Variants in EHMT1 observed in about 807,000 individuals in gnomAD.
EHMT1 encodes the protein euchromatic histone lysine methyltransferase 1.
In EHMT1, 15 loss-of-function variants were observed where a neutral mutation model predicts 147.2. The observed-to-expected ratio is 0.10, with a 90% CI of 0.07 to 0.16. The LOEUF is 0.16. Among genes scored for constraint, EHMT1 ranks in the 10% least tolerant of loss-of-function variants. The pLI is 1.00. For missense variants in EHMT1, 1,587 were observed against 1,772.4 expected, an observed-to-expected ratio of 0.90 and a Z score of 1.88; for synonymous variants, 795 against 709.6, an observed-to-expected ratio of 1.12 and a Z score of -1.91.
intron 1 of EHMT1, among the ~76,000 whole-genome samples, chr9:137,702,035 C>T (rs1332306059): frequency 6.6e-6 from 1 of 152,014 alleles, no homozygotes; most frequent in Non-Finnish European, 1.5e-5. Flanking sequence ...CTCAGGTGAT[C>T]TACTCGCCTC....
At chr9:137,633,620 G>A (rs1468094027) in intron 1 of EHMT1, among the ~76,000 whole-genome samples, 2 of 151,742 alleles carry the variant, frequency 1.3e-5, no homozygotes, top group African/African-American at 2.4e-5. Flanking sequence ...GGGTTCTTTG[G>A]TATGTCTGGA....
chr9:137,735,428 C>T (rs888668216), intron 4 of EHMT1, among the ~76,000 whole-genome samples: 1 of 152,090 alleles, frequency 6.6e-6, no homozygotes, highest in African/African-American at 2.4e-5. Context: ...AGAATTTAAA[C>T]ATTCCACTAT....
rs959302134 is a variant in EHMT1, at chr9:137,776,020, G to A, written c.1792-598G>A. On this transcript the variant is annotated intron_variant, in intron 11 of 26. Coordinates refer to ENST00000460843, the MANE Select transcript of EHMT1 (RefSeq NM_024757.5). This position sits in a 1 kb window ranked among gnomAD's most constrained non-coding sequence, Gnocchi z 4.4. ...CAGAGATGCCCTGCTGCCCCTTTAC[G>A]AACATGGGCCAAGAGCTTCCACTTT... Among the ~76,000 whole-genome samples the A allele has an allele frequency of 3.3e-5, 5 of 152,114 alleles. No individual in the cohort carries two copies. Among genetic ancestry groups the A allele is most frequent in the Non-Finnish European group, 7.4e-5 (5 of 68,026 alleles).
intron 3 of EHMT1, 80 bp from the exon 4 acceptor site, chr9:137,728,269 G>A: frequency 1.9e-6 from 3 of 1,579,096 alleles, no homozygotes; most frequent in South Asian, 1.1e-5. Flanking sequence ...TCGGGGAGAA[G>A]AACTGTGATT....
Position 137,762,728 on chromosome 9 carries a change from C to G in EHMT1, c.1555C>G (p.Leu519Val). The G allele has an allele frequency of 6.2e-7, 1 of 1,614,260 alleles. No homozygotes were observed. The highest frequency in any genetic ancestry group is 2.2e-5 in the East Asian group (1 of 44,896). The change falls in exon 10 of 27, where the codon CTC (leucine) becomes GTC (valine). Residue 519 changes from leucine to valine, a missense_variant. Physicochemically the swap from Leu to Val is conservative, Grantham distance 32 (BLOSUM62 1). Coordinates refer to ENST00000460843, the MANE Select transcript of EHMT1 (RefSeq NM_024757.5). Reference protein sequence around the residue: ...LETDGLQEVPLCSCRMETPKS... With the variant: ...LETDGLQEVPVCSCRMETPKS... The stretch of plus-strand genomic sequence containing the variant: ...GACAGACGGCCTCCAGGAAGTGCCT[C>G]TCTGCAGCTGCCGGATGGAAACACC...
chr9:137,695,070 A>G (rs1297123380), intron 1 of EHMT1, among the ~76,000 whole-genome samples: 1 of 152,202 alleles, frequency 6.6e-6, no homozygotes, highest in Non-Finnish European at 1.5e-5. Flanking sequence ...CTAAACAGAC[A>G]GGTTTTGGCT....
intron 6 of EHMT1, among the ~76,000 whole-genome samples, chr9:137,745,310 G>A (rs772984331): frequency 8.5e-5 from 13 of 152,056 alleles, no homozygotes; most frequent in Non-Finnish European, 1.8e-4. Flanking sequence ...AAAGTCTGTT[G>A]TACATTTTTA....
chr9:137,725,187 G>A (rs1039274505), intron 3 of EHMT1, among the ~76,000 whole-genome samples: 7 of 147,792 alleles, frequency 4.7e-5, no homozygotes, highest in East Asian at 2.0e-4. Flanking sequence ...CATGTCAGAC[G>A]TGGGGCAGGT....
At chr9:137,720,788 C>T (rs1450097273) in intron 3 of EHMT1, among the ~76,000 whole-genome samples, 1 of 152,110 alleles carries the variant, frequency 6.6e-6, no homozygotes, top group Non-Finnish European at 1.5e-5. Flanking sequence ...CGCTGAAGGA[C>T]ACTGGGCATT....
chr9:137,717,527 T>C (rs1268153473), intron 3 of EHMT1, among the ~76,000 whole-genome samples: 1 of 150,790 alleles, frequency 6.6e-6, no homozygotes, highest in Non-Finnish European at 1.5e-5. Context: ...GGAGGATTGC[T>C]TGAGCCTGGT....
chr9:137,750,282 A>G (rs1294113480), intron 6 of EHMT1, among the ~76,000 whole-genome samples: 1 of 152,222 alleles, frequency 6.6e-6, no homozygotes, highest in Non-Finnish European at 1.5e-5. Context: ...TTCAAGCTGC[A>G]CAAACACACA....
At chr9:137,631,219 G>T (rs1180035527) in intron 1 of EHMT1, among the ~76,000 whole-genome samples, 1 of 151,802 alleles carries the variant, frequency 6.6e-6, no homozygotes, top group Admixed American at 6.6e-5. Context: ...GTGGAACCCT[G>T]TCTCTAATAA....
At chr9:137,715,592 G>C (rs1210014941) in intron 2 of EHMT1, 1 of 985,436 alleles carries the variant, frequency 1.0e-6, no homozygotes, top group South Asian at 4.7e-5. Context: ...TGTGCACCTA[G>C]CGATGCCATC....
intron 1 of EHMT1, among the ~76,000 whole-genome samples, chr9:137,668,930 A>G (rs1452601117): frequency 2.0e-5 from 3 of 152,174 alleles, no homozygotes; most frequent in Non-Finnish European, 4.4e-5. Flanking sequence ...TCTGTCCCCC[A>G]GGCTGGAGTG....
At chr9:137,797,970 A>G (rs556861437) in intron 16 of EHMT1, among the ~76,000 whole-genome samples, 7 of 152,316 alleles carry the variant, frequency 4.6e-5, no homozygotes, top group African/African-American at 1.7e-4. Flanking sequence ...CCTCTTCTGG[A>G]GCTTCCTGGG....
intron 15 of EHMT1, among the ~76,000 whole-genome samples, chr9:137,790,061 T>C (rs574823196): frequency 4.6e-5 from 7 of 152,370 alleles, no homozygotes; most frequent in African/African-American, 1.7e-4. Context: ...TGAGTTAGCC[T>C]CATTTTCCAT....
chr9:137,834,879 G>A lies in EHMT1; in HGVS notation c.3823G>A (p.Ala1275Thr). 2 of 1,608,920 alleles carry A rather than the reference G, an allele frequency of 1.2e-6. No individual in the cohort carries two copies. The highest frequency in any genetic ancestry group is 1.9e-4 in the Middle Eastern group (1 of 5,310). ...HSSAALAQRQ[A>T]SAAQEAQEDG... Reference sequence around the variant, plus strand: ...GAGCGCGGCCCTGGCCCAGCGTCAGGCCAGCGCGGCCCAGGAGGCCCAGGA... The same window carrying A: ...GAGCGCGGCCCTGGCCCAGCGTCAGACCAGCGCGGCCCAGGAGGCCCAGGA... The change falls in exon 27 of 27, where the codon GCC becomes ACC. Residue 1275 changes from alanine to threonine, a missense_variant. By Grantham distance (58) the Ala-to-Thr change is moderately conservative (BLOSUM62 0). Transcript: ENST00000460843.
In EHMT1 at chr9:137,775,017, C is replaced by T. The variant is rs935896867; in HGVS notation, c.1648-92C>T. 1.8e-4 allele frequency: 292 copies of T among 1,579,798 alleles called. 1 individual carries two copies. Among genetic ancestry groups the T allele is most frequent in the Non-Finnish European group, 2.4e-4 (277 of 1,151,720 alleles). On this transcript the variant is annotated intron_variant, in intron 10 of 26. Coordinates refer to ENST00000460843, the MANE Select transcript of EHMT1 (RefSeq NM_024757.5). This position sits in a 1 kb window ranked among gnomAD's most constrained non-coding sequence, Gnocchi z 6.1. ...CAGTCAGCCCACACCTGCTGAGCAGCTCTTGTGTGCCTGCACTGCCCAGCG... is the reference window on the plus strand; with the variant it reads ...CAGTCAGCCCACACCTGCTGAGCAGTTCTTGTGTGCCTGCACTGCCCAGCG...
intron 25 of EHMT1, among the ~76,000 whole-genome samples, chr9:137,823,102 T>TG (rs1289300385): frequency 1.4e-5 from 2 of 144,408 alleles, no homozygotes; most frequent in Non-Finnish European, 1.5e-5. Flanking sequence ...GGCTAATTGT[T>TG]TTTTTTTTTT....
Sources: allele counts gnomAD v4.1 joint callset (sites outside exome capture counted in the v4.1 genomes callset), GRCh38; gene constraint gnomAD v4.1.1; non-coding constraint Gnocchi (gnomAD v3.1); transcripts MANE v1.5; gene names NCBI Gene and HGNC (gene_info 2026-07-23, HGNC 2026-07-21).